The following SRGAP2C variants were observed in gnomAD, a reference collection of about 807,000 sequenced individuals.
The protein encoded by SRGAP2C is SLIT-ROBO Rho GTPase-activating protein 2C.
In SRGAP2C, 15 loss-of-function variants were observed where a neutral mutation model predicts 25.1. The observed-to-expected ratio is 0.60, with a 90% CI of 0.40 to 0.92. The LOEUF is 0.92. SRGAP2C is among the 40% of genes least tolerant of loss of function. The pLI, the probability that SRGAP2C is intolerant of heterozygous loss-of-function variation, is 0.00. For synonymous variants in SRGAP2C, 44 were observed against 96.6 expected (o/e 0.46, Z 3.19); for missense variants, 144 against 264.4 (o/e 0.54, Z 3.16).
intron 4 of SRGAP2C, among the ~76,000 whole-genome samples, chr1:121,359,659 A>G (rs587629273): frequency 4.6e-5 from 7 of 152,332 alleles, no homozygotes; most frequent in African/African-American, 1.4e-4. Flanking sequence ...TCCCAGCTAC[A>G]TGGGAAGCTG....
intron 4 of SRGAP2C, among the ~76,000 whole-genome samples, chr1:121,354,398 T>A (rs1467201631): frequency 1.2e-4 from 1 of 8,284 alleles, no homozygotes; most frequent in Non-Finnish European, 2.8e-4. Flanking sequence ...TTTTTTTTCT[T>A]TTTTTTTTTT....
intron 5 of SRGAP2C, among the ~76,000 whole-genome samples, chr1:121,365,690 G>A (rs1335833302): frequency 1.1e-5 from 1 of 92,078 alleles, no homozygotes; most frequent in African/African-American, 3.9e-5. Flanking sequence ...CTAATGGCAA[G>A]GAACGTAGCC....
chr1:121,186,278 T>C (rs1257804355), intron 1 of SRGAP2C, among the ~76,000 whole-genome samples: 3 of 64,592 alleles, frequency 4.6e-5, no homozygotes, highest in Non-Finnish European at 9.5e-5. Flanking sequence ...GCCCCCCGGT[T>C]TTCCCGGCTC....
chr1:121,286,523 G>T (rs1390356181), intron 3 of SRGAP2C, among the ~76,000 whole-genome samples: 12 of 151,322 alleles, frequency 7.9e-5, no homozygotes, highest in Non-Finnish European at 1.6e-4. Flanking sequence ...CTTCCAAAGT[G>T]CTGGAATTAC....
At chr1:121,191,769 T>C (rs1654685662) in intron 2 of SRGAP2C, among the ~76,000 whole-genome samples, 1 of 150,790 alleles carries the variant, frequency 6.6e-6, no homozygotes, top group Non-Finnish European at 1.5e-5. Flanking sequence ...CTTGAGTTTT[T>C]ACAGTCTCCC....
At chr1:121,206,480 C>T (rs1453076682) in intron 2 of SRGAP2C, among the ~76,000 whole-genome samples, 4 of 152,154 alleles carry the variant, frequency 2.6e-5, no homozygotes, top group Admixed American at 6.6e-5. Flanking sequence ...AGTGGGGGCA[C>T]TCTGAGTTGA....
At chr1:121,293,121 T>C (rs1657522992) in intron 3 of SRGAP2C, among the ~76,000 whole-genome samples, 1 of 130,732 alleles carries the variant, frequency 7.6e-6, no homozygotes, top group Non-Finnish European at 1.6e-5. Flanking sequence ...GTTGAGACAA[T>C]GGAGAAGTTG....
rs587683859 is a variant in SRGAP2C at position 121,273,788 on chromosome 1, CTTG to C, written c.68-11008_68-11006del. Among the ~76,000 whole-genome samples the C allele has an allele frequency of 4.4e-4, 67 of 151,902 alleles. No homozygotes were observed. The South Asian group carries it at 8.5e-3, about 19-fold the overall frequency. On this transcript the variant is annotated intron_variant, in intron 2 of 9. Transcript: ENST00000367123. ...TTCTTGGAGCCTCCACTTCTCTGTACTTGTTGTTGACATGACTGCTGATTGAAT... is the reference window on the plus strand; with the variant it reads ...TTCTTGGAGCCTCCACTTCTCTGTACTTGTTGACATGACTGCTGATTGAAT...
chr1:121,354,261 C>CT (rs1310075818), intron 4 of SRGAP2C, among the ~76,000 whole-genome samples: 1 of 29,930 alleles, frequency 3.3e-5, no homozygotes, highest in South Asian at 9.2e-4. Flanking sequence ...CTTTCTCTCT[C>CT]CTTTCTTTCT....
intron 2 of SRGAP2C, among the ~76,000 whole-genome samples, chr1:121,260,269 C>T (rs1369603462): frequency 4.6e-5 from 7 of 151,452 alleles, no homozygotes; most frequent in East Asian, 1.9e-4. Flanking sequence ...GTGTAAGCCA[C>T]GTGGATATTG....
At chr1:121,357,557 A>G (rs1553347860) in intron 4 of SRGAP2C, among the ~76,000 whole-genome samples, 1 of 150,900 alleles carries the variant, frequency 6.6e-6, no homozygotes, top group Non-Finnish European at 1.5e-5. Flanking sequence ...TTCCTCAGGA[A>G]AGCTGAATTA....
At chr1:121,316,839 A>G (rs1490101553) in intron 3 of SRGAP2C, among the ~76,000 whole-genome samples, 2 of 137,134 alleles carry the variant, frequency 1.5e-5, no homozygotes, top group African/African-American at 5.4e-5. Flanking sequence ...CCTTAGTTCT[A>G]TGGATTATAT....
chr1:121,238,758 T>A (rs1158823427), intron 2 of SRGAP2C, among the ~76,000 whole-genome samples: 1 of 149,818 alleles, frequency 6.7e-6, no homozygotes, highest in Non-Finnish European at 1.5e-5. Flanking sequence ...GGACTACAAT[T>A]GTGCACCACT....
At position 121,354,270 on chromosome 1, in the gene SRGAP2C, CT is replaced by C. The variant is rs1658995616; in HGVS notation, c.424-11020del. The stretch of plus-strand genomic sequence containing the variant: ...TTCTTTCTTTCTCTCTCCTTTCTTT[CT>C]TTCTTTCTTTCTTTCTTTCTTTCTT... On this transcript the variant is annotated intron_variant, in intron 4 of 9. Transcript: ENST00000367123. 2.0e-4 allele frequency among the ~76,000 whole-genome samples: 4 copies of C among 19,930 alleles called. 1 individual carries two copies. Among genetic ancestry groups the C allele is most frequent in the African/African-American group, 4.9e-4 (3 of 6,126 alleles). 13.1% of individuals were successfully genotyped at this position (19,930 alleles called of 152,430 possible).
chr1:121,202,207 C>A (rs1362815163), intron 2 of SRGAP2C, among the ~76,000 whole-genome samples: 1 of 152,060 alleles, frequency 6.6e-6, no homozygotes. Context: ...TGTGGCCACA[C>A]CCTCTATACA....
At chr1:121,367,080 T>C (rs1316101500) in intron 5 of SRGAP2C, among the ~76,000 whole-genome samples, 1 of 151,770 alleles carries the variant, frequency 6.6e-6, no homozygotes, top group Non-Finnish European at 1.5e-5. Flanking sequence ...CCAACTACTT[T>C]ACTGGCCATT....
At chr1:121,221,665 C>T (rs1282520000) in intron 2 of SRGAP2C, among the ~76,000 whole-genome samples, 2 of 82,474 alleles carry the variant, frequency 2.4e-5, no homozygotes, top group East Asian at 4.1e-4. Context: ...GAGCTGAGAT[C>T]GCACCATTGC....
intron 3 of SRGAP2C, among the ~76,000 whole-genome samples, chr1:121,315,359 T>C (rs1658073559): frequency 6.9e-6 from 1 of 145,616 alleles, no homozygotes; most frequent in Non-Finnish European, 1.5e-5. Flanking sequence ...CAGAATGCAT[T>C]TGTGACTTGC....
intron 3 of SRGAP2C, among the ~76,000 whole-genome samples, chr1:121,296,173 GC>G (rs1187916415): frequency 1.3e-5 from 2 of 151,218 alleles, no homozygotes; most frequent in Non-Finnish European, 2.9e-5. Flanking sequence ...GAGTATTGAA[GC>G]TAAAATTTCT....
Sources: gnomAD v4.1 joint callset for allele counts (sites outside exome capture counted in the v4.1 genomes callset) on GRCh38, gnomAD v4.1.1 for gene constraint, MANE v1.5 for transcripts, NCBI Gene and HGNC (gene_info 2026-07-23, HGNC 2026-07-21) for gene names.